Variants in TET1 observed in about 807,000 individuals in gnomAD.
TET1 encodes the protein tet methylcytosine dioxygenase 1, also known as methylcytosine dioxygenase TET1.
Under a neutral mutation model 148.7 loss-of-function variants are expected in TET1, and 13 were observed. The observed-to-expected ratio is 0.09, with a 90% confidence interval of 0.06 to 0.14. The LOEUF is 0.14. Among genes scored for constraint, TET1 ranks in the 10% least tolerant of loss-of-function variants. TET1 has a pLI of 1.00. For synonymous variants in TET1, 907 were observed against 937.2 expected (o/e 0.97, Z 0.59); for missense variants, 2,182 against 2,553.8 (o/e 0.85, Z 3.14).
intron 9 of TET1, among the ~76,000 whole-genome samples, chr10:68,682,469 T>G (rs989003976): frequency 6.6e-6 from 1 of 152,184 alleles, no homozygotes; most frequent in Non-Finnish European, 1.5e-5. Flanking sequence ...GTTCATGAAA[T>G]GTATGTATAT....
Position 68,672,505 on chromosome 10 carries a change from A to AAAC in TET1, c.4674-388_4674-387insCAA, listed in dbSNP as rs1564504088. On this transcript the variant is annotated intron_variant, in intron 7 of 11. Coordinates refer to ENST00000373644, the MANE Select transcript of TET1 (RefSeq NM_030625.3). The stretch of plus-strand genomic sequence containing the variant: ...CCCATCTCAAAAAAAAAAAAAAAAA[A>AAAC]AAAAAACACCAAAAAAAAAAAAAAG... Among the ~76,000 whole-genome samples, 313 of 148,588 alleles carry AAAC rather than the reference A, an allele frequency of 2.1e-3. 5 individuals are homozygous for AAAC. The highest frequency in any genetic ancestry group is 7.3e-3 in the African/African-American group (293 of 40,244).
intron 8 of TET1, among the ~76,000 whole-genome samples, chr10:68,676,262 ATATATATTTTTTTTTTTTTT>A (rs2055356873): frequency 6.5e-5 from 1 of 15,488 alleles, no homozygotes; most frequent in African/African-American, 2.1e-4. Context: ...ATATATATAT[ATATATATTTTTTTTTTTTTT>A]TTTTTTTTTT....
chr10:68,656,792 G>A (rs991276707), intron 6 of TET1, among the ~76,000 whole-genome samples: 8 of 152,240 alleles, frequency 5.3e-5, no homozygotes, highest in East Asian at 1.9e-4. Flanking sequence ...TTGGGAGGTC[G>A]AGGCGGGTGG....
Position 68,645,447 on chromosome 10 carries a change from G to T in TET1, c.2718G>T (p.Glu906Asp), listed in dbSNP as rs749136636. The T allele has an allele frequency of 1.2e-6, 2 of 1,613,894 alleles. No homozygotes were observed. The highest frequency in any genetic ancestry group is 2.2e-5 in the South Asian group (2 of 91,076). ...CTCAACTCTCAGAAGCCCCATCAGA[G>T]AATTCCTCCCCATCAAAGTCAGAGA... ...ALTQLSEAPS[E>D]NSSPSKSEKD... The change falls in exon 4 of 12, where the codon GAG becomes GAT. Residue 906 changes from glutamate to aspartate, a missense_variant. By Grantham distance (45) the Glu-to-Asp change is conservative (BLOSUM62 2). This residue lies in a region of TET1 where 582 missense variants were observed against 599.5 expected (regional missense o/e 0.97). Coordinates refer to ENST00000373644, the MANE Select transcript of TET1 (RefSeq NM_030625.3).
intron 4 of TET1, among the ~76,000 whole-genome samples, chr10:68,649,528 A>G (rs373980952): frequency 4.0e-5 from 6 of 151,378 alleles, no homozygotes; most frequent in Admixed American, 2.0e-4. Flanking sequence ...AATGGCGTGA[A>G]CTGGGAGGCA....
At position 68,593,329 on chromosome 10, in the gene TET1, A is replaced by T. The variant is rs1358507395; in HGVS notation, c.1915-7652A>T. ...AATGGGGAAAGTTATTGTGAAAAAC[A>T]AATTAATACATTTAAAGAAAACATT... On this transcript the variant is annotated intron_variant, in intron 2 of 11. Coordinates refer to ENST00000373644, the MANE Select transcript of TET1 (RefSeq NM_030625.3). Among the ~76,000 whole-genome samples the T allele has an allele frequency of 2.6e-5, 4 of 152,050 alleles. No homozygotes were observed. In the East Asian group the frequency reaches 7.7e-4, roughly 29 times the overall value.
At chr10:68,666,432 T>C (rs1348254823) in intron 6 of TET1, among the ~76,000 whole-genome samples, 1 of 152,162 alleles carries the variant, frequency 6.6e-6, no homozygotes, top group East Asian at 1.9e-4. Context: ...ATGGCCAAAA[T>C]TCGTTGTCAA....
chr10:68,652,498 C>A lies in TET1; in HGVS notation c.4368-3C>A. On this transcript the variant is annotated splice_polypyrimidine_tract_variant and splice_region_variant and intron_variant, in intron 5 of 11. Transcript: ENST00000373644. ...CATTCCCTTCACTGTGTTTTATACT[C>A]AGGTATGGTCAAAAAGGAAACGCAA... is the stretch of plus-strand genomic sequence containing the variant. 6.2e-7 allele frequency: 1 copy of A among 1,600,814 alleles called. No individual in the cohort carries two copies. The highest frequency in any genetic ancestry group is 1.1e-5 in the South Asian group (1 of 88,388).
chr10:68,606,170 C>CAGA (rs2054120947), intron 3 of TET1, among the ~76,000 whole-genome samples: 1 of 152,092 alleles, frequency 6.6e-6, no homozygotes, highest in African/African-American at 2.4e-5. Context: ...GGTTCAAGAC[C>CAGA]ACCCTGGCCA....
intron 2 of TET1, among the ~76,000 whole-genome samples, chr10:68,596,015 C>CATATATATATAT (rs1327782857): frequency 2.8e-5 from 3 of 107,902 alleles, no homozygotes; most frequent in African/African-American, 1.2e-4. Flanking sequence ...CACACACACA[C>CATATATATATAT]ACACACACAC....
At chr10:68,663,531 G>C (rs2055151964) in intron 6 of TET1, among the ~76,000 whole-genome samples, 1 of 152,024 alleles carries the variant, frequency 6.6e-6, no homozygotes, top group Admixed American at 6.6e-5. Context: ...AAATATTCTA[G>C]AAAGACTATT....
intron 2 of TET1, among the ~76,000 whole-genome samples, chr10:68,582,541 T>C (rs528306240): frequency 1.3e-5 from 2 of 152,362 alleles, no homozygotes; most frequent in South Asian, 2.1e-4. Context: ...GTTAATATGA[T>C]ACAAATTGAA....
At position 68,644,794 on chromosome 10, in the gene TET1, C is replaced by G; in HGVS notation, c.2065C>G (p.Pro689Ala). The G allele has an allele frequency of 1.9e-6, 3 of 1,613,786 alleles. No homozygotes were observed. The highest frequency in any genetic ancestry group is 2.5e-6 in the Non-Finnish European group (3 of 1,179,922). ...HGEEQKLELN[P>A]HTVENVTKNE... ...GGAAGAACAAAAATTGGAATTGAAC[C>G]CACATACTGTTGAAAATGTAACTAA... is the stretch of plus-strand genomic sequence containing the variant. Residue 689 changes from proline (P) to alanine (A), a missense_variant, in exon 4 of 12, where the codon CCA becomes GCA. Pro to Ala is a conservative substitution (Grantham distance 27). Coordinates refer to ENST00000373644, the MANE Select transcript of TET1 (RefSeq NM_030625.3).
intron 11 of TET1, among the ~76,000 whole-genome samples, chr10:68,687,047 C>G (rs374179843): frequency 1.3e-5 from 2 of 151,982 alleles, no homozygotes; most frequent in Admixed American, 6.5e-5. Flanking sequence ...GCCACCACGC[C>G]CAGCTAATTT....
intron 3 of TET1, among the ~76,000 whole-genome samples, chr10:68,620,231 A>G (rs1228843430): frequency 6.6e-6 from 1 of 152,198 alleles, no homozygotes; most frequent in Non-Finnish European, 1.5e-5. Flanking sequence ...CTTTTAGTAC[A>G]TTCACCAATG....
chr10:68,646,178 C>A lies in TET1; in HGVS notation c.3449C>A (p.Thr1150Lys), dbSNP rs1401364774. Residue 1150 changes from threonine to lysine, a missense_variant, in exon 4 of 12, where the codon ACA becomes AAA. Coordinates refer to ENST00000373644, the MANE Select transcript of TET1 (RefSeq NM_030625.3). The stretch of plus-strand genomic sequence containing the variant: ...CAAAAGAACCCAACCCAGAAAAAGA[C>A]AAAATCCACCCCATCAAGAGATCGG... ...TKQKNPTQKK[T>K]KSTPSRDRRK... 6.2e-7 allele frequency: 1 copy of A among 1,613,368 alleles called. No individual in the cohort carries two copies. Among genetic ancestry groups the A allele is most frequent in the Non-Finnish European group, 8.5e-7 (1 of 1,179,916 alleles).
intron 1 of TET1, among the ~76,000 whole-genome samples, chr10:68,565,475 A>AAAAAAATAT (rs1388182777): frequency 1.2e-4 from 16 of 129,228 alleles, no homozygotes; most frequent in East Asian, 9.1e-4. Context: ...AAAAAAAAAA[A>AAAAAAATAT]ATATATATAT....
In TET1 at chr10:68,655,478, G is replaced by A. The variant is rs572474945; in HGVS notation, c.4461+2884G>A. Among the ~76,000 whole-genome samples, 8 of 152,282 alleles carry A rather than the reference G, an allele frequency of 5.3e-5. No individual in the cohort carries two copies. The East Asian group carries it at 1.5e-3, about 29-fold the overall frequency. ...TGTTCACTCCTTTGTCTATTAAGTG[G>A]TAAGGAATGAATATGTCCTCATGTT... On this transcript the variant is annotated intron_variant, in intron 6 of 11. Coordinates refer to ENST00000373644, the MANE Select transcript of TET1 (RefSeq NM_030625.3).
chr10:68,573,502 C>G lies in TET1; in HGVS notation c.1164C>G (p.Ala388=). The change falls in exon 2 of 12, where the codon GCC becomes GCG. Residue 388 remains alanine (A), a synonymous_variant. Coordinates refer to ENST00000373644, the MANE Select transcript of TET1 (RefSeq NM_030625.3). ...GTGCTGACCCAGTTCATGGTGAGGC[C>G]CTGGGTGAGACCCCAGATCTACCAG... ...LPGADPVHGE[A]LGETPDLPEI... 1 of 1,614,032 alleles carries G rather than the reference C, an allele frequency of 6.2e-7. No individual in the cohort carries two copies. The highest frequency in any genetic ancestry group is 8.5e-7 in the Non-Finnish European group (1 of 1,179,994).
Sources: allele counts gnomAD v4.1 joint callset (sites outside exome capture counted in the v4.1 genomes callset), GRCh38; gene constraint gnomAD v4.1.1; regional missense constraint gnomAD v4.1.1; transcripts MANE v1.5; gene names NCBI Gene and HGNC (gene_info 2026-07-23, HGNC 2026-07-21).